EIF4G3: variants seen among roughly 807,000 people sequenced by gnomAD.
EIF4G3 encodes eIF-4-gamma 3.
EIF4G3 carries 34 observed loss-of-function variants against 186.4 expected under a neutral mutation model. That is an observed-to-expected ratio of 0.18 (90% confidence interval 0.14 to 0.24). EIF4G3 has a LOEUF of 0.24. Among genes scored for constraint, EIF4G3 ranks in the 10% least tolerant of loss-of-function variants. EIF4G3 has a pLI of 1.00. For missense variants in EIF4G3, 1,536 were observed against 1,948.5 expected, an observed-to-expected ratio of 0.79 and a Z score of 3.99; for synonymous variants, 673 against 679.5, an observed-to-expected ratio of 0.99 and a Z score of 0.15.
intron 14 of EIF4G3, among the ~76,000 whole-genome samples, chr1:20,937,521 T>C (rs753879810): frequency 1.4e-4 from 22 of 152,128 alleles, no homozygotes; most frequent in Non-Finnish European, 2.1e-4. Flanking sequence ...TTACAAAATA[T>C]ACATTAAAAA....
At chr1:20,950,397 A>G (rs1460130807) in intron 12 of EIF4G3, among the ~76,000 whole-genome samples, 2 of 152,156 alleles carry the variant, frequency 1.3e-5, no homozygotes, top group Non-Finnish European at 2.9e-5. Flanking sequence ...TTTATTCCCC[A>G]GTGTTCCTTC....
intron 12 of EIF4G3, among the ~76,000 whole-genome samples, chr1:20,955,354 C>T (rs2096381221): frequency 6.6e-6 from 1 of 152,052 alleles, no homozygotes; most frequent in Non-Finnish European, 1.5e-5. Flanking sequence ...ACCTCAGCCT[C>T]CTAAGCAGCT....
At chr1:21,004,857 C>T (rs909892194) in intron 4 of EIF4G3, among the ~76,000 whole-genome samples, 6 of 151,854 alleles carry the variant, frequency 4.0e-5, no homozygotes, top group Non-Finnish European at 8.8e-5. Flanking sequence ...AGAGGCTATC[C>T]GGCAATCTTT....
intron 13 of EIF4G3, among the ~76,000 whole-genome samples, chr1:20,947,253 A>G (rs1211471292): frequency 6.6e-6 from 1 of 152,040 alleles, no homozygotes; most frequent in Non-Finnish European, 1.5e-5. Flanking sequence ...CTGAAGTGAG[A>G]GGACTGCTTG....
chr1:20,969,314 A>T (rs2075350275), intron 12 of EIF4G3, among the ~76,000 whole-genome samples, 160 bp downstream of exon 12: 1 of 152,244 alleles, frequency 6.6e-6, no homozygotes, highest in Non-Finnish European at 1.5e-5. Context: ...TATAATTTGC[A>T]AAGAGAAAAA....
chr1:20,845,852 A>G (rs1052014614), intron 29 of EIF4G3, among the ~76,000 whole-genome samples: 8 of 151,888 alleles, frequency 5.3e-5, no homozygotes, highest in Non-Finnish European at 1.2e-4. Context: ...TGTCAGTGGG[A>G]GTTTAATGGG....
chr1:20,913,786 G>A (rs906217696), intron 14 of EIF4G3, among the ~76,000 whole-genome samples: 5 of 149,744 alleles, frequency 3.3e-5, no homozygotes, highest in African/African-American at 9.8e-5. Flanking sequence ...TGAAAGTTGA[G>A]GTCAATTATT....
At chr1:20,837,440 G>A (rs566169612) in intron 30 of EIF4G3, among the ~76,000 whole-genome samples, 13 of 152,172 alleles carry the variant, frequency 8.5e-5, no homozygotes, top group African/African-American at 2.9e-4. Flanking sequence ...TCCTGACCTC[G>A]TGATCCACCT....
At chr1:21,025,405 T>G (rs767380565) in intron 4 of EIF4G3, among the ~76,000 whole-genome samples, 5 of 152,008 alleles carry the variant, frequency 3.3e-5, no homozygotes, top group Non-Finnish European at 7.4e-5. Flanking sequence ...ACAGCCCAGG[T>G]ACATAGTGAT....
In EIF4G3 at chr1:21,137,212, T is replaced by C. The variant is rs562854274; in HGVS notation, c.-272+38963A>G. Among the ~76,000 whole-genome samples the C allele has an allele frequency of 2.6e-5, 4 of 151,442 alleles. No homozygotes were observed. The South Asian group carries it at 6.3e-4, about 24-fold the overall frequency. On this transcript the variant is annotated intron_variant, in intron 2 of 36. Coordinates refer to ENST00000602326, the MANE Select transcript of EIF4G3 (RefSeq NM_001391906.1). ...AGGCTAGACTGCAGTGGCACAATCATAGTTCACTGCAACTTTGAACTCCTG... is the reference window on the plus strand; with the variant it reads ...AGGCTAGACTGCAGTGGCACAATCACAGTTCACTGCAACTTTGAACTCCTG...
Position 20,879,448 on chromosome 1 carries a change from C to G in EIF4G3, c.2497G>C (p.Val833Leu). ...TCTGTGTCAACAGTAAGTCCTGACA[C>G]TTGCTTCATCAGTTGATTGAACATC... ...PQMFNQLMKQ[V>L]SGLTVDTEER... The change falls in exon 20 of 37, where the codon GTG becomes CTG. Residue 833 changes from valine (V) to leucine (L), a missense_variant. By Grantham distance (32) the Val-to-Leu change is conservative. Transcript: ENST00000602326. The G allele has an allele frequency of 6.3e-7, 1 of 1,579,314 alleles. No homozygotes were observed. The highest frequency in any genetic ancestry group is 1.2e-5 in the South Asian group (1 of 85,126).
At chr1:21,015,771 A>AC (rs2088813761) in intron 4 of EIF4G3, among the ~76,000 whole-genome samples, 1 of 151,310 alleles carries the variant, frequency 6.6e-6, no homozygotes, top group South Asian at 2.1e-4. Context: ...AAAAAAAAAA[A>AC]ACCCTATCAC....
chr1:20,880,691 C>A (rs540918979), intron 19 of EIF4G3, among the ~76,000 whole-genome samples: 26 of 152,232 alleles, frequency 1.7e-4, no homozygotes, highest in Middle Eastern at 3.4e-3. Context: ...GCAGCGGTTG[C>A]AATGAGCTGA....
chr1:21,011,634 T>C (rs186816679), intron 4 of EIF4G3, among the ~76,000 whole-genome samples: 16 of 152,318 alleles, frequency 1.1e-4, no homozygotes, highest in Non-Finnish European at 2.2e-4. Context: ...ATCTGTGGTA[T>C]TACCCTACCC....
At chr1:21,039,274 A>G (rs1298941409) in intron 4 of EIF4G3, among the ~76,000 whole-genome samples, 1 of 152,258 alleles carries the variant, frequency 6.6e-6, no homozygotes, top group East Asian at 1.9e-4. Flanking sequence ...CCTTTATCTT[A>G]AACCATACAT....
intron 2 of EIF4G3, among the ~76,000 whole-genome samples, chr1:21,133,257 C>T (rs2097185722): frequency 6.6e-6 from 1 of 152,068 alleles, no homozygotes; most frequent in African/African-American, 2.4e-5. Context: ...CGGAGTCTCG[C>T]TGTGTCACCC....
intron 33 of EIF4G3, among the ~76,000 whole-genome samples, chr1:20,820,385 C>T (rs1258585244): frequency 1.3e-5 from 2 of 152,206 alleles, no homozygotes; most frequent in Admixed American, 1.3e-4. Context: ...TCAGCACCCT[C>T]GGGTGTCCCA....
intron 29 of EIF4G3, among the ~76,000 whole-genome samples, chr1:20,849,046 C>CA (rs60344352): frequency 0.19 from 3,298 of 17,272 alleles, 792 homozygotes; most frequent in East Asian, 0.34. Context: ...GACTCTGTCT[C>CA]AAAAAAAAAA....
intron 2 of EIF4G3, among the ~76,000 whole-genome samples, chr1:21,110,341 G>C (rs2096700880): frequency 6.6e-6 from 1 of 151,512 alleles, no homozygotes. Context: ...TGTTGCCTAG[G>C]CTGGAGTGCA....
Sources: gnomAD v4.1 joint callset for allele counts (sites outside exome capture counted in the v4.1 genomes callset) on GRCh38, gnomAD v4.1.1 for gene constraint, MANE v1.5 for transcripts, NCBI Gene and HGNC (gene_info 2026-07-23, HGNC 2026-07-21) for gene names.